ADGRE3: variants seen among roughly 807,000 people sequenced by gnomAD.
ADGRE3 encodes the protein adhesion G protein-coupled receptor E3.
A neutral mutation model predicts 80.1 loss-of-function variants in ADGRE3; 88 were observed. The observed-to-expected ratio is 1.10, with a 90% CI of 0.93 to 1.31. The LOEUF (loss-of-function observed/expected upper bound fraction) is 1.31. ADGRE3 is among the 40% of genes most tolerant of loss of function. The pLI is 0.00. For synonymous variants in ADGRE3, 281 were observed against 294.8 expected (o/e 0.95, Z 0.48); for missense variants, 715 against 776.5 (o/e 0.92, Z 0.94).
chr19:14,671,892 T>G (rs1194496747), intron 1 of ADGRE3, among the ~76,000 whole-genome samples: 2 of 152,164 alleles, frequency 1.3e-5, no homozygotes, highest in Non-Finnish European at 2.9e-5. Flanking sequence ...GCTACATGCA[T>G]GAGATACCAC....
At chr19:14,672,382 C>G (rs1156809999) in intron 1 of ADGRE3, among the ~76,000 whole-genome samples, 1 of 152,176 alleles carries the variant, frequency 6.6e-6, no homozygotes, top group Non-Finnish European at 1.5e-5. Context: ...GGCTGGCACA[C>G]TAGTTGGGCA....
the ADGRE3 span, among the ~76,000 whole-genome samples, chr19:14,609,263 C>T: frequency 6.6e-6 from 1 of 152,196 alleles, no homozygotes; most frequent in African/African-American, 2.4e-5. Flanking sequence ...GTTGGGATGA[C>T]TCTGGTGCTG....
At chr19:14,665,173 C>T (rs951416131) in intron 2 of ADGRE3, among the ~76,000 whole-genome samples, 4 of 149,920 alleles carry the variant, frequency 2.7e-5, no homozygotes, top group African/African-American at 9.9e-5. Flanking sequence ...ATGCCATTCT[C>T]CTGCCTCAGC....
chr19:14,627,832 A>C (rs1235501328), intron 14 of ADGRE3, among the ~76,000 whole-genome samples: 2 of 152,090 alleles, frequency 1.3e-5, no homozygotes, highest in Non-Finnish European at 2.9e-5. Context: ...ATATATCTTT[A>C]AAAACTGGAT....
intron 7 of ADGRE3, among the ~76,000 whole-genome samples, chr19:14,648,879 G>A (rs78662503): frequency 0.044 from 6,752 of 152,034 alleles, 166 homozygotes; most frequent in East Asian, 0.11. Flanking sequence ...CCATAGTCAC[G>A]TGAGCCAATT....
At chr19:14,630,249 TAATGAG>T in intron 13 of ADGRE3, 42 bp from the exon 14 acceptor site, 1 of 1,550,942 alleles carries the variant, frequency 6.4e-7, no homozygotes, top group Non-Finnish European at 8.8e-7. Flanking sequence ...AAAAAACTAA[TAATGAG>T]CATGAACACC....
chr19:14,654,366 C>A (rs1246824873), intron 6 of ADGRE3, among the ~76,000 whole-genome samples: 1 of 151,672 alleles, frequency 6.6e-6, no homozygotes, highest in Non-Finnish European at 1.5e-5. Flanking sequence ...TGGACTCAAG[C>A]CATCCTCTCC....
chr19:14,612,558 C>T, the ADGRE3 span, among the ~76,000 whole-genome samples: 10 of 152,098 alleles, frequency 6.6e-5, no homozygotes, highest in Non-Finnish European at 1.3e-4. Flanking sequence ...TGGTTTTGAA[C>T]TCCTAGGCTC....
At position 14,620,545 on chromosome 19, in the gene ADGRE3, ATAT is replaced by A. The variant is rs1160384900; in HGVS notation, c.1921-1077_1921-1075del. 3.4e-3 allele frequency among the ~76,000 whole-genome samples: 53 copies of A among 15,782 alleles called. 3 individuals are homozygous for A. The highest frequency in any genetic ancestry group is 0.016 in the African/African-American group (41 of 2,604). The allele number at this position is 15,782 out of a possible 152,430, so 10.4% of individuals were successfully genotyped here. ...ATATGAATATATATATTTTATATAT[ATAT>A]TATATATATATATATATATATTTTT... On this transcript the variant is annotated intron_variant, in intron 15 of 15. Transcript: ENST00000253673.
At chr19:14,614,372 C>T (rs1349922870), downstream of ADGRE3, among the ~76,000 whole-genome samples, 1 of 152,192 alleles carries the variant, frequency 6.6e-6, no homozygotes, top group Admixed American at 6.5e-5. Context: ...ACCTATCTCC[C>T]TTCCACATCT....
At chr19:14,604,192 T>A in the ADGRE3 span, among the ~76,000 whole-genome samples, 11 of 152,176 alleles carry the variant, frequency 7.2e-5, no homozygotes. Context: ...CCTGGGGCTT[T>A]ACCCAGGAAA....
chr19:14,600,830 C>T, the ADGRE3 span, among the ~76,000 whole-genome samples: 1 of 148,966 alleles, frequency 6.7e-6, no homozygotes, highest in African/African-American at 2.5e-5. Context: ...ACCTCGTGAT[C>T]TGCCCGCCTC....
At chr19:14,629,890 T>A in intron 14 of ADGRE3, 149 bp downstream of exon 14, 1 of 485,200 alleles carries the variant, frequency 2.1e-6, no homozygotes. Flanking sequence ...ACTAGTAGCA[T>A]TTTTAAAGTA....
At chr19:14,672,846 T>A (rs1378356957) in intron 1 of ADGRE3, among the ~76,000 whole-genome samples, 1 of 151,990 alleles carries the variant, frequency 6.6e-6, no homozygotes, top group Non-Finnish European at 1.5e-5. Flanking sequence ...AACTCCTGGC[T>A]CAAGCAATCT....
chr19:14,636,199 CTTTCT>C (rs1171030794), intron 11 of ADGRE3, among the ~76,000 whole-genome samples: 5 of 34,182 alleles, frequency 1.5e-4, no homozygotes, highest in East Asian at 2.0e-3. Flanking sequence ...TTCTTTCTTT[CTTTCT>C]TTTCTTTTCT....
At chr19:14,669,772 G>A (rs1972201786) in intron 1 of ADGRE3, among the ~76,000 whole-genome samples, 2 of 152,136 alleles carry the variant, frequency 1.3e-5, no homozygotes, top group African/African-American at 4.8e-5. Flanking sequence ...TTACGGGCAT[G>A]AGCCACTCTG....
the ADGRE3 span, among the ~76,000 whole-genome samples, chr19:14,605,020 A>G: frequency 6.6e-6 from 1 of 152,006 alleles, no homozygotes; most frequent in Admixed American, 6.6e-5. Context: ...TAGCTAACTG[A>G]GATCACCTGG....
At chr19:14,673,850 A>G (rs957139893) in intron 1 of ADGRE3, among the ~76,000 whole-genome samples, 1 of 152,168 alleles carries the variant, frequency 6.6e-6, no homozygotes, top group Non-Finnish European at 1.5e-5. Flanking sequence ...CATTGTAACC[A>G]TTAGGTAACT....
downstream of ADGRE3, among the ~76,000 whole-genome samples, chr19:14,618,652 T>C (rs2075097019): frequency 6.7e-6 from 1 of 149,380 alleles, no homozygotes; most frequent in African/African-American, 2.5e-5. Flanking sequence ...AGGCTGGGAG[T>C]TCGAGACCAG....
Sources: gnomAD v4.1 joint callset for allele counts (sites outside exome capture counted in the v4.1 genomes callset) on GRCh38, gnomAD v4.1.1 for gene constraint, MANE v1.5 for transcripts, NCBI Gene and HGNC (gene_info 2026-07-23, HGNC 2026-07-21) for gene names.